The following CLINT1 variants were observed in gnomAD, a reference collection of about 807,000 sequenced individuals.
CLINT1 encodes clathrin interacting protein localized in the trans-Golgi region.
CLINT1 carries 15 observed loss-of-function variants against 70.4 expected under a neutral mutation model. The observed-to-expected ratio is 0.21, with a 90% CI of 0.14 to 0.33. The LOEUF (loss-of-function observed/expected upper bound fraction) is 0.33. CLINT1 is among the 10% of genes least tolerant of loss of function. The probability of loss-of-function intolerance (pLI) is 1.00; values close to 1 mark genes in which losing one functional copy is unlikely to be tolerated. For missense variants in CLINT1, 615 were observed against 778.1 expected (o/e 0.79, Z 2.49); for synonymous variants, 227 against 254.7 (o/e 0.89, Z 1.04).
chr5:157,788,149 G>C, intron 11 of CLINT1, 157 bp from the exon 12 acceptor site: 1 of 688,730 alleles, frequency 1.5e-6, no homozygotes, highest in Non-Finnish European at 2.6e-6. Context: ...CTCTGCACTG[G>C]TTCCTCTTGA....
At chr5:157,794,800 G>GA in intron 9 of CLINT1, 98 bp downstream of exon 9, 1 of 866,192 alleles carries the variant, frequency 1.2e-6, no homozygotes, top group Admixed American at 2.4e-5. Flanking sequence ...ACTACAAGGA[G>GA]AAAAATGACA....
At chr5:157,790,592 G>A (rs1052383145) in intron 10 of CLINT1, 2 of 454,046 alleles carry the variant, frequency 4.4e-6, no homozygotes, top group Non-Finnish European at 8.8e-6. Context: ...GTTACATAGA[G>A]CAGTCACCTT....
chr5:157,817,598 C>A, intron 1 of CLINT1, 51 bp from the exon 2 acceptor site: 6 of 1,192,556 alleles, frequency 5.0e-6, no homozygotes, highest in Non-Finnish European at 7.3e-6. Context: ...AGCATCAAAA[C>A]TGAGAAACAC....
intron 1 of CLINT1, among the ~76,000 whole-genome samples, chr5:157,842,367 T>C (rs1753215868): frequency 6.6e-6 from 1 of 152,194 alleles, no homozygotes. Flanking sequence ...GGCAGGAGAA[T>C]GGCATGAATC....
At chr5:157,828,072 G>C (rs1176057383) in intron 1 of CLINT1, among the ~76,000 whole-genome samples, 1 of 152,116 alleles carries the variant, frequency 6.6e-6, no homozygotes, top group Non-Finnish European at 1.5e-5. Flanking sequence ...GAAATGACAT[G>C]TGTAAAGCAT....
chr5:157,820,171 G>A (rs1160476487), intron 1 of CLINT1, among the ~76,000 whole-genome samples: 1 of 152,184 alleles, frequency 6.6e-6, no homozygotes, highest in African/African-American at 2.4e-5. Context: ...TTCCAGGCCA[G>A]GTGCAGTGGC....
intron 3 of CLINT1, among the ~76,000 whole-genome samples, chr5:157,816,008 TA>T (rs1762712911): frequency 6.6e-6 from 1 of 152,112 alleles, no homozygotes; most frequent in Admixed American, 6.5e-5. Flanking sequence ...ACCAAAAAAC[TA>T]AAAGCAAATT....
chr5:157,817,685 G>A, intron 1 of CLINT1, 138 bp from the exon 2 acceptor site: 1 of 576,460 alleles, frequency 1.7e-6, no homozygotes, highest in South Asian at 2.2e-5. Flanking sequence ...CATCTTTTGT[G>A]CACAAGCTAC....
intron 10 of CLINT1, among the ~76,000 whole-genome samples, chr5:157,790,933 C>T (rs923248044): frequency 6.6e-6 from 1 of 152,086 alleles, no homozygotes; most frequent in Non-Finnish European, 1.5e-5. Flanking sequence ...ATTCACCATT[C>T]GAGAGAATGA....
At chr5:157,820,844 G>T (rs1027177727) in intron 1 of CLINT1, among the ~76,000 whole-genome samples, 1 of 152,034 alleles carries the variant, frequency 6.6e-6, no homozygotes, top group Non-Finnish European at 1.5e-5. Flanking sequence ...ACGCTAGAGG[G>T]GGCACTCTCA....
At chr5:157,840,017 G>C (rs1753101978) in intron 1 of CLINT1, among the ~76,000 whole-genome samples, 1 of 151,734 alleles carries the variant, frequency 6.6e-6, no homozygotes, top group Non-Finnish European at 1.5e-5. Flanking sequence ...AGCAGTTCGA[G>C]ACCAGGCTGT....
At chr5:157,809,978 A>G (rs1561647882) in intron 5 of CLINT1, among the ~76,000 whole-genome samples, 173 bp from the exon 6 acceptor site, 1 of 152,248 alleles carries the variant, frequency 6.6e-6, no homozygotes, top group Non-Finnish European at 1.5e-5. Flanking sequence ...ATGTAATGCC[A>G]GTCATTAAGT....
At chr5:157,842,693 C>T (rs886291765) in intron 1 of CLINT1, among the ~76,000 whole-genome samples, 19 of 152,146 alleles carry the variant, frequency 1.2e-4, no homozygotes, top group African/African-American at 4.6e-4. Context: ...ATTATCTATT[C>T]CAGTACAAGT....
In CLINT1 at chr5:157,787,584, C is replaced by T; in HGVS notation, c.*62G>A. On this transcript the variant is annotated 3_prime_UTR_variant, in exon 12 of 12. Coordinates refer to ENST00000411809, the MANE Select transcript of CLINT1 (RefSeq NM_014666.4). ...AGGGTAGTTGATTAGCATTTTCCAT[C>T]CCAACATCACCTATCTGCACAGCTA... The T allele has an allele frequency of 7.6e-7, 1 of 1,323,392 alleles. No individual in the cohort carries two copies. Among genetic ancestry groups the T allele is most frequent in the Non-Finnish European group, 1.1e-6 (1 of 941,542 alleles). The allele number at this position is 1,323,392 out of a possible 1,614,324, so 82.0% of individuals were successfully genotyped here.
chr5:157,787,878 A>G lies in CLINT1; in HGVS notation c.1646T>C (p.Met549Thr), dbSNP rs1761775826. ...PQTNALIGGP[M>T]PMSMPNVMTG... Reference sequence around the variant, plus strand: ...CATCACATTGGGCATGCTCATAGGCATGGGTCCCCCTATCAAAGCATTAGT... The same window carrying G: ...CATCACATTGGGCATGCTCATAGGCGTGGGTCCCCCTATCAAAGCATTAGT... The change falls in exon 12 of 12, where the codon ATG becomes ACG. Residue 549 changes from methionine (M) to threonine (T), a missense_variant. Physicochemically the swap from Met to Thr is moderately conservative, Grantham distance 81 (BLOSUM62 -1). Around this residue, in one of 2 missense-constraint regions of CLINT1, gnomAD observed 374 missense variants for 409.6 expected, o/e 0.91. Coordinates refer to ENST00000411809, the MANE Select transcript of CLINT1 (RefSeq NM_014666.4). 3 of 1,613,808 alleles carry G rather than the reference A, an allele frequency of 1.9e-6. No homozygotes were observed. Among genetic ancestry groups the G allele is most frequent in the Non-Finnish European group, 8.5e-7 (1 of 1,179,856 alleles).
rs1762373252 is a variant in CLINT1, at chr5:157,805,995, G to A, written c.813C>T (p.Thr271=). The A allele has an allele frequency of 1.2e-6, 2 of 1,613,806 alleles. No individual in the cohort carries two copies. Among genetic ancestry groups the A allele is most frequent in the African/African-American group, 1.3e-5 (1 of 74,886 alleles). Residue 271 remains threonine, a synonymous_variant, in exon 7 of 12, where the codon ACC becomes ACT. Coordinates refer to ENST00000411809, the MANE Select transcript of CLINT1 (RefSeq NM_014666.4). ...HIHITQATET[T]TTRHKRTANP... ...TTGCTGTGCGCTTGTGTCTGGTTGT[G>A]GTGGTCTCTGTGGCCTGTGTGATAT... is the stretch of plus-strand genomic sequence containing the variant.
intron 3 of CLINT1, 61 bp downstream of exon 3, chr5:157,816,673 C>A: frequency 8.4e-7 from 1 of 1,193,074 alleles, no homozygotes; most frequent in East Asian, 2.4e-5. Flanking sequence ...GTATATACAC[C>A]TTCAATTTCC....
intron 3 of CLINT1, 62 bp from the exon 4 acceptor site, chr5:157,814,355 T>C: frequency 8.6e-7 from 1 of 1,157,742 alleles, no homozygotes; most frequent in East Asian, 2.6e-5. Context: ...CTTTGGTAAA[T>C]GGTTAAAAAA....
intron 6 of CLINT1, among the ~76,000 whole-genome samples, chr5:157,806,979 AG>A (rs1762405855): frequency 6.6e-6 from 1 of 151,952 alleles, no homozygotes; most frequent in South Asian, 2.1e-4. Flanking sequence ...AGAGAGAGAG[AG>A]AGAGAGAGAG....
Sources: gnomAD v4.1 joint callset for allele counts (sites outside exome capture counted in the v4.1 genomes callset) on GRCh38, gnomAD v4.1.1 for gene constraint, gnomAD v4.1.1 regional missense constraint, MANE v1.5 for transcripts, NCBI Gene and HGNC (gene_info 2026-07-23, HGNC 2026-07-21) for gene names.